Variants in NLGN1 observed in about 807,000 individuals in gnomAD.
NLGN1 encodes the protein neuroligin 1, also known as neuroligin-1.
NLGN1 carries 12 observed loss-of-function variants against 65.5 expected under a neutral mutation model. The ratio of observed to expected loss-of-function variants is 0.18; its 90% CI spans 0.12 to 0.30. NLGN1 has a LOEUF of 0.30. Ranked by LOEUF, NLGN1 falls within the 10% of genes least tolerant of loss-of-function variation. NLGN1 has a pLI of 1.00. For missense variants in NLGN1, 750 were observed against 1,007.1 expected, an observed-to-expected ratio of 0.74 and a Z score of 3.46; for synonymous variants, 350 against 359.5, an observed-to-expected ratio of 0.97 and a Z score of 0.30.
intron 4 of NLGN1, among the ~76,000 whole-genome samples, chr3:173,869,495 A>C (rs1473569985): frequency 1.3e-5 from 2 of 152,152 alleles, no homozygotes; most frequent in Non-Finnish European, 2.9e-5. Flanking sequence ...GTAGTCTTTC[A>C]TTTTAAGAAA....
chr3:173,612,527 C>G (rs1456777289), intron 3 of NLGN1, among the ~76,000 whole-genome samples: 2 of 151,980 alleles, frequency 1.3e-5, no homozygotes, highest in Non-Finnish European at 2.9e-5. Context: ...GTAGTTGCAT[C>G]ACTCCAATTT....
intron 4 of NLGN1, among the ~76,000 whole-genome samples, chr3:174,033,540 G>A (rs950276995): frequency 2.1e-5 from 3 of 145,854 alleles, no homozygotes; most frequent in African/African-American, 7.8e-5. Context: ...TGTGATTCAT[G>A]TGTTCGTTGC....
intron 4 of NLGN1, among the ~76,000 whole-genome samples, chr3:174,030,601 C>A (rs914082469): frequency 1.3e-5 from 2 of 152,126 alleles, no homozygotes; most frequent in African/African-American, 4.8e-5. Context: ...TTAAAGATGA[C>A]AGATTGAACT....
intron 4 of NLGN1, among the ~76,000 whole-genome samples, chr3:174,274,531 C>T (rs1341869231): frequency 1.3e-5 from 2 of 151,788 alleles, no homozygotes; most frequent in East Asian, 3.9e-4. Context: ...CTCTCCCCCT[C>T]ATTTTCAGAT....
At chr3:173,923,377 T>C (rs940204425) in intron 4 of NLGN1, among the ~76,000 whole-genome samples, 2 of 152,130 alleles carry the variant, frequency 1.3e-5, no homozygotes, top group Non-Finnish European at 2.9e-5. Context: ...TCTTGAATGG[T>C]CATACATACC....
At chr3:173,899,873 T>C (rs1443602606) in intron 4 of NLGN1, among the ~76,000 whole-genome samples, 2 of 152,072 alleles carry the variant, frequency 1.3e-5, no homozygotes, top group African/African-American at 4.8e-5. Context: ...TGAATCAAAT[T>C]CGAGATCAAC....
chr3:173,455,392 C>T (rs548519809), intron 2 of NLGN1, among the ~76,000 whole-genome samples: 1 of 152,038 alleles, frequency 6.6e-6, no homozygotes, highest in East Asian at 1.9e-4. Flanking sequence ...CCCCCATGAC[C>T]CAAACACCTC....
At chr3:173,688,269 TTAAA>T (rs1764964457) in intron 3 of NLGN1, among the ~76,000 whole-genome samples, 1 of 152,224 alleles carries the variant, frequency 6.6e-6, no homozygotes, top group South Asian at 2.1e-4. Context: ...GGAGATTTTC[TTAAA>T]TAGTGACACA....
At chr3:174,282,911 T>C (rs529632922) in exon 7 of NLGN1, 2 of 152,098 alleles carry the variant, frequency 1.3e-5, no homozygotes, top group East Asian at 3.9e-4. Flanking sequence ...GAAACCTTTC[T>C]TTTCAGTTAC....
At chr3:174,138,836 C>T (rs1020862483) in intron 4 of NLGN1, among the ~76,000 whole-genome samples, 1 of 151,958 alleles carries the variant, frequency 6.6e-6, no homozygotes, top group Non-Finnish European at 1.5e-5. Flanking sequence ...TTTATTTCCT[C>T]ATTTTTGGCT....
chr3:173,900,648 A>G (rs1488907503), intron 4 of NLGN1, among the ~76,000 whole-genome samples: 1 of 152,072 alleles, frequency 6.6e-6, no homozygotes, highest in East Asian at 1.9e-4. Context: ...AGATTTACTT[A>G]AGATTATCTA....
intron 1 of NLGN1, among the ~76,000 whole-genome samples, chr3:173,404,987 A>G (rs550722656): frequency 6.6e-6 from 1 of 152,266 alleles, no homozygotes; most frequent in South Asian, 2.1e-4. Flanking sequence ...ACAAATAGAT[A>G]TAGATTTTTA....
exon 7 of NLGN1, chr3:174,281,299 T>C: frequency 6.3e-7 from 1 of 1,589,610 alleles, no homozygotes; most frequent in Non-Finnish European, 8.6e-7. Context: ...ACAACCAGGG[T>C]ATAGCCAGAT....
chr3:173,962,905 T>C (rs1713942131), intron 4 of NLGN1, among the ~76,000 whole-genome samples: 2 of 152,194 alleles, frequency 1.3e-5, no homozygotes, highest in Non-Finnish European at 2.9e-5. Context: ...CACTGGTATG[T>C]AGCAGTTGAA....
intron 4 of NLGN1, among the ~76,000 whole-genome samples, chr3:173,826,250 C>G (rs1380529740): frequency 6.6e-6 from 1 of 152,076 alleles, no homozygotes; most frequent in Non-Finnish European, 1.5e-5. Flanking sequence ...TTCTGTAACT[C>G]AGACTGCCTT....
chr3:173,478,377 G>A (rs1355147449), intron 2 of NLGN1, among the ~76,000 whole-genome samples: 1 of 151,944 alleles, frequency 6.6e-6, no homozygotes, highest in Non-Finnish European at 1.5e-5. Flanking sequence ...ACAAGGAGGG[G>A]AACAACACAT....
At chr3:174,270,943 C>T (rs550356207) in intron 4 of NLGN1, among the ~76,000 whole-genome samples, 2 of 151,868 alleles carry the variant, frequency 1.3e-5, no homozygotes, top group African/African-American at 2.4e-5. Context: ...CCTAGAAGGA[C>T]GTCTCACTAT....
intron 2 of NLGN1, among the ~76,000 whole-genome samples, chr3:173,567,878 T>C (rs1268379168): frequency 1.3e-5 from 2 of 152,104 alleles, no homozygotes; most frequent in East Asian, 3.8e-4. Context: ...TAAAGAAATC[T>C]CTTATTGAAC....
intron 3 of NLGN1, among the ~76,000 whole-genome samples, chr3:173,623,894 A>G (rs1470863375): frequency 2.0e-5 from 3 of 152,174 alleles, no homozygotes; most frequent in Admixed American, 6.6e-5. Context: ...TTAAATATTT[A>G]AATTATCTTG....
Sources: allele counts gnomAD v4.1 joint callset (sites outside exome capture counted in the v4.1 genomes callset), GRCh38; gene constraint gnomAD v4.1.1; transcripts MANE v1.5; gene names NCBI Gene and HGNC (gene_info 2026-07-23, HGNC 2026-07-21).